XPO6: variants seen among roughly 807,000 people sequenced by gnomAD.
XPO6 encodes the protein exportin-6.
A neutral mutation model predicts 130.0 loss-of-function variants in XPO6; 3 were observed. The ratio of observed to expected loss-of-function variants is 0.02; its 90% CI spans 0.01 to 0.06. The LOEUF is 0.06. XPO6 is among the 10% of genes least tolerant of loss of function. XPO6 has a pLI of 1.00. For missense variants in XPO6, 970 were observed against 1,393.0 expected (o/e 0.70, Z 4.83); for synonymous variants, 524 against 548.9 (o/e 0.95, Z 0.63).
chr16:28,182,079 A>G (rs2043625447), intron 1 of XPO6, among the ~76,000 whole-genome samples: 1 of 152,318 alleles, frequency 6.6e-6, no homozygotes, highest in East Asian at 1.9e-4. Flanking sequence ...CCCCAGACAT[A>G]ATCAAGAGCC....
At chr16:28,120,181 A>ATAAT (rs1280708469) in intron 14 of XPO6, among the ~76,000 whole-genome samples, 1 of 152,116 alleles carries the variant, frequency 6.6e-6, no homozygotes, top group East Asian at 1.9e-4. Context: ...CAAAATAATA[A>ATAAT]TAATAATCAT....
intron 9 of XPO6, 67 bp downstream of exon 9, chr16:28,146,027 G>T: frequency 8.1e-7 from 1 of 1,227,802 alleles, no homozygotes; most frequent in Non-Finnish European, 1.2e-6. Flanking sequence ...ATGCATGGCT[G>T]TCTCTTAGGC....
At chr16:28,133,749 G>T in intron 11 of XPO6, 92 bp downstream of exon 11, 2 of 1,103,106 alleles carry the variant, frequency 1.8e-6, no homozygotes, top group East Asian at 2.6e-5. Flanking sequence ...GGGGAAAGAG[G>T]GGAGAGAGAG....
rs1265304969 is a variant in XPO6 at position 28,125,585 on chromosome 16, C to T, written c.1766+104G>A. The T allele has an allele frequency of 6.3e-6, 9 of 1,427,182 alleles. No homozygotes were observed. In the South Asian group the frequency reaches 7.0e-5, roughly 11 times the overall value. The allele number at this position is 1,427,182 out of a possible 1,614,324, so 88.4% of individuals were successfully genotyped here. ...GTATGTGGCAGAGCCTAGATTTACC[C>T]GGGGCCAGAGCAGAAGCTATTTGGC... On this transcript the variant is annotated intron_variant, in intron 13 of 23. Transcript: ENST00000304658.
intron 15 of XPO6, among the ~76,000 whole-genome samples, chr16:28,114,132 T>C (rs1417907695): frequency 6.9e-6 from 1 of 145,972 alleles, no homozygotes; most frequent in Non-Finnish European, 1.5e-5. Context: ...TCAGGCCCAC[T>C]AGCATATGTA....
chr16:28,192,750 G>C (rs904932371), intron 1 of XPO6, among the ~76,000 whole-genome samples: 3 of 152,122 alleles, frequency 2.0e-5, no homozygotes, highest in Non-Finnish European at 4.4e-5. Context: ...CCCCAATACT[G>C]CTCCCACCTG....
At chr16:28,187,471 C>T (rs187152133) in intron 1 of XPO6, among the ~76,000 whole-genome samples, 1 of 152,056 alleles carries the variant, frequency 6.6e-6, no homozygotes, top group African/African-American at 2.4e-5. Flanking sequence ...TGACCTTGGC[C>T]TAGTTATTTA....
chr16:28,201,126 C>T (rs559049615), intron 1 of XPO6, among the ~76,000 whole-genome samples: 1 of 152,274 alleles, frequency 6.6e-6, no homozygotes, highest in Admixed American at 6.5e-5. Context: ...ACACCACCCC[C>T]CACAGCACTT....
At chr16:28,111,489 A>C (rs187485774) in intron 17 of XPO6, 1 of 212,652 alleles carries the variant, frequency 4.7e-6, no homozygotes, top group Non-Finnish European at 9.7e-6. Flanking sequence ...CAAGCATCTG[A>C]AATAGATCAA....
At chr16:28,159,829 T>C (rs2043243773) in intron 6 of XPO6, among the ~76,000 whole-genome samples, 1 of 152,242 alleles carries the variant, frequency 6.6e-6, no homozygotes, top group African/African-American at 2.4e-5. Context: ...GAAATTAGTA[T>C]TTCTTGTAGA....
intron 9 of XPO6, among the ~76,000 whole-genome samples, chr16:28,143,438 C>T (rs11647191): frequency 0.087 from 13,304 of 152,208 alleles, 765 homozygotes; most frequent in Middle Eastern, 0.14. Flanking sequence ...GTGTTAAGTA[C>T]GTCCATTTTG....
chr16:28,125,309 G>A (rs973580379), intron 13 of XPO6, among the ~76,000 whole-genome samples: 13 of 152,192 alleles, frequency 8.5e-5, no homozygotes, highest in Admixed American at 2.0e-4. Flanking sequence ...ATCCTATGAG[G>A]AAAGACATGA....
chr16:28,167,755 C>G (rs1476192646), intron 5 of XPO6, among the ~76,000 whole-genome samples: 1 of 152,116 alleles, frequency 6.6e-6, no homozygotes, highest in Non-Finnish European at 1.5e-5. Context: ...ATATCTTATT[C>G]TCAAATTTTT....
At chr16:28,196,552 G>A (rs370705269) in intron 1 of XPO6, among the ~76,000 whole-genome samples, 1 of 152,136 alleles carries the variant, frequency 6.6e-6, no homozygotes, top group Non-Finnish European at 1.5e-5. Context: ...AAATGGTGAC[G>A]TTTTATGTTA....
At chr16:28,105,193 C>G (rs2086747014) in intron 20 of XPO6, among the ~76,000 whole-genome samples, 1 of 152,162 alleles carries the variant, frequency 6.6e-6, no homozygotes, top group Admixed American at 6.5e-5. Context: ...CGCCTTAAAG[C>G]GATTCTGCTC....
chr16:28,167,639 G>C (rs2043378297), intron 5 of XPO6, among the ~76,000 whole-genome samples: 1 of 152,202 alleles, frequency 6.6e-6, no homozygotes, highest in Non-Finnish European at 1.5e-5. Context: ...GTTTACTTGT[G>C]TCTCCCCACT....
chr16:28,111,689 C>A, intron 17 of XPO6, 128 bp downstream of exon 17: 1 of 999,842 alleles, frequency 1.0e-6, no homozygotes, highest in East Asian at 2.7e-5. Context: ...TGACTTCCTG[C>A]TCAGCCTCTG....
At chr16:28,131,303 A>T (rs991467142) in intron 12 of XPO6, among the ~76,000 whole-genome samples, 12 of 152,304 alleles carry the variant, frequency 7.9e-5, no homozygotes, top group African/African-American at 2.9e-4. Context: ...CAGCCTCGGA[A>T]AAAGGCTCCT....
intron 9 of XPO6, among the ~76,000 whole-genome samples, chr16:28,145,879 T>TA (rs1183165030): frequency 6.6e-6 from 1 of 152,262 alleles, no homozygotes; most frequent in African/African-American, 2.4e-5. Context: ...CACTAAAATA[T>TA]AAAAAATTAG....
Sources: gnomAD v4.1 joint callset for allele counts (sites outside exome capture counted in the v4.1 genomes callset) on GRCh38, gnomAD v4.1.1 for gene constraint, MANE v1.5 for transcripts, NCBI Gene and HGNC (gene_info 2026-07-23, HGNC 2026-07-21) for gene names.